The following MSH3 variants were observed in gnomAD, a reference collection of about 807,000 sequenced individuals.
MSH3 encodes mutS homolog 3, also known as DNA mismatch repair protein Msh3.
Under a neutral mutation model 123.3 loss-of-function variants are expected in MSH3, and 106 were observed. The ratio of observed to expected loss-of-function variants is 0.86; its 90% CI spans 0.73 to 1.01. MSH3 has a LOEUF of 1.01. Among genes scored for constraint, MSH3 ranks in the 50% least tolerant of loss-of-function variants. MSH3 has a pLI of 0.00. For missense variants in MSH3, 1,459 were observed against 1,347.6 expected, an observed-to-expected ratio of 1.08 and a Z score of -1.29; for synonymous variants, 515 against 481.4, an observed-to-expected ratio of 1.07 and a Z score of -0.91.
intron 15 of MSH3, among the ~76,000 whole-genome samples, chr5:80,772,779 A>G (rs1744234037): frequency 6.6e-6 from 1 of 152,196 alleles, no homozygotes; most frequent in Admixed American, 6.5e-5. Context: ...TCTTATTGTC[A>G]GTATAGAAGA....
chr5:80,757,467 A>T (rs1743946549), intron 12 of MSH3, among the ~76,000 whole-genome samples: 1 of 152,158 alleles, frequency 6.6e-6, no homozygotes. Flanking sequence ...CACATGGTAG[A>T]TACTCATGTC....
intron 20 of MSH3, among the ~76,000 whole-genome samples, chr5:80,817,067 G>A (rs35688814): frequency 0.15 from 22,689 of 152,118 alleles, 1,803 homozygotes; most frequent in East Asian, 0.24. Context: ...CAGTATGGTG[G>A]AGAAGATTAA....
intron 20 of MSH3, among the ~76,000 whole-genome samples, chr5:80,838,501 A>G (rs1745557985): frequency 6.6e-6 from 1 of 152,220 alleles, no homozygotes; most frequent in Non-Finnish European, 1.5e-5. Flanking sequence ...TTGCTCACAT[A>G]TGTTATCACA....
intron 8 of MSH3, among the ~76,000 whole-genome samples, chr5:80,696,390 C>G (rs1750480462): frequency 6.6e-6 from 1 of 152,186 alleles, no homozygotes; most frequent in African/African-American, 2.4e-5. Flanking sequence ...AGGTTTTTCT[C>G]TGATGCTTGG....
intron 19 of MSH3, among the ~76,000 whole-genome samples, chr5:80,803,589 C>G (rs1201300136): frequency 8.1e-6 from 1 of 122,812 alleles, no homozygotes; most frequent in African/African-American, 2.8e-5. Flanking sequence ...GATGTGATCC[C>G]ATTTGTCCAT....
At position 80,716,223 on chromosome 5, in the gene MSH3, C is replaced by T. The variant is rs1750957810; in HGVS notation, c.1341-9230C>T. On this transcript the variant is annotated intron_variant, in intron 8 of 23. Transcript: ENST00000265081. Reference sequence around the variant, plus strand: ...GACTAATAAAAAATGCTAGTTTTCCCTACCCCACACCTATCTTTCAACTGC... The same window carrying T: ...GACTAATAAAAAATGCTAGTTTTCCTTACCCCACACCTATCTTTCAACTGC... Among the ~76,000 whole-genome samples the T allele has an allele frequency of 2.0e-5, 3 of 152,162 alleles. No individual in the cohort carries two copies. The South Asian group carries it at 6.2e-4, about 32-fold the overall frequency.
chr5:80,781,976 TAAAGTA>T (rs1744417913), intron 17 of MSH3, among the ~76,000 whole-genome samples: 1 of 152,172 alleles, frequency 6.6e-6, no homozygotes, highest in African/African-American at 2.4e-5. Flanking sequence ...GAAAATCATG[TAAAGTA>T]AAAGTATGAT....
chr5:80,732,938 A>T (rs1743437360), intron 10 of MSH3, among the ~76,000 whole-genome samples: 1 of 152,182 alleles, frequency 6.6e-6, no homozygotes, highest in Non-Finnish European at 1.5e-5. Context: ...TGTTGTTAAG[A>T]TGCAGTATTG....
chr5:80,696,962 T>C (rs950955212), intron 8 of MSH3, among the ~76,000 whole-genome samples: 1 of 152,194 alleles, frequency 6.6e-6, no homozygotes, highest in African/African-American at 2.4e-5. Context: ...TTTAGTGCTG[T>C]TTACAGTTTA....
chr5:80,830,651 C>T (rs1310301434), intron 20 of MSH3, among the ~76,000 whole-genome samples: 1 of 152,130 alleles, frequency 6.6e-6, no homozygotes, highest in Admixed American at 6.5e-5. Context: ...TGGGACTTTC[C>T]CACAAAGTGG....
At chr5:80,711,158 C>G (rs1261741881) in intron 8 of MSH3, among the ~76,000 whole-genome samples, 1 of 152,154 alleles carries the variant, frequency 6.6e-6, no homozygotes, top group Non-Finnish European at 1.5e-5. Context: ...ATGGTAATAC[C>G]TCCTGTCTCT....
At chr5:80,743,888 G>A (rs992371134) in intron 11 of MSH3, among the ~76,000 whole-genome samples, 1 of 151,176 alleles carries the variant, frequency 6.6e-6, no homozygotes, top group Non-Finnish European at 1.5e-5. Context: ...AGTGGAAACA[G>A]CCATTTTAGG....
At chr5:80,841,383 A>G (rs911115623) in intron 20 of MSH3, among the ~76,000 whole-genome samples, 1 of 152,220 alleles carries the variant, frequency 6.6e-6, no homozygotes, top group Non-Finnish European at 1.5e-5. Flanking sequence ...ATGTGTCTTT[A>G]TAGCAGCATG....
At chr5:80,777,874 A>G (rs1400654148) in intron 16 of MSH3, among the ~76,000 whole-genome samples, 5 of 152,184 alleles carry the variant, frequency 3.3e-5, no homozygotes, top group South Asian at 2.1e-4. Flanking sequence ...GGCAACCGCC[A>G]CCACCACCAC....
intron 19 of MSH3, among the ~76,000 whole-genome samples, chr5:80,802,051 G>A (rs1433825002): frequency 6.6e-6 from 1 of 152,146 alleles, no homozygotes; most frequent in African/African-American, 2.4e-5. Flanking sequence ...TCTCATTGCT[G>A]TAGAATCCAT....
intron 8 of MSH3, among the ~76,000 whole-genome samples, chr5:80,701,849 C>T (rs1750616899): frequency 6.6e-6 from 1 of 152,042 alleles, no homozygotes; most frequent in Admixed American, 6.6e-5. Flanking sequence ...TGTTTTCAGG[C>T]CAGGAATTTC....
At chr5:80,669,741 C>G (rs1168336473) in intron 3 of MSH3, among the ~76,000 whole-genome samples, 1 of 151,934 alleles carries the variant, frequency 6.6e-6, no homozygotes, top group Non-Finnish European at 1.5e-5. Context: ...CCCCATTGGC[C>G]TTTTGTGCAT....
At chr5:80,774,555 AAACT>A (rs1744267101) in intron 15 of MSH3, among the ~76,000 whole-genome samples, 2 of 152,344 alleles carry the variant, frequency 1.3e-5, no homozygotes, top group African/African-American at 4.8e-5. Context: ...ATTTGGAAAC[AAACT>A]AAGTGTCCAT....
At chr5:80,830,783 C>T (rs1019589329) in intron 20 of MSH3, among the ~76,000 whole-genome samples, 2 of 152,154 alleles carry the variant, frequency 1.3e-5, no homozygotes, top group Non-Finnish European at 2.9e-5. Context: ...CCAGGGAACA[C>T]TGTCATGTGA....
Sources: allele counts gnomAD v4.1 joint callset (sites outside exome capture counted in the v4.1 genomes callset), GRCh38; gene constraint gnomAD v4.1.1; transcripts MANE v1.5; gene names NCBI Gene and HGNC (gene_info 2026-07-23, HGNC 2026-07-21).